The following KIAA2012 variants were observed in gnomAD, a reference collection of about 807,000 sequenced individuals.
The protein encoded by KIAA2012 is KIAA2012.
A neutral mutation model predicts 150.6 loss-of-function variants in KIAA2012; 125 were observed. That is an observed-to-expected ratio of 0.83 (90% CI 0.72 to 0.96). KIAA2012 has a LOEUF of 0.96. Among genes scored for constraint, KIAA2012 ranks in the 40% least tolerant of loss-of-function variants. The probability of loss-of-function intolerance (pLI) is 0.00; values close to 1 mark genes in which losing one functional copy is unlikely to be tolerated. For synonymous variants in KIAA2012, 462 were observed against 504.7 expected (o/e 0.92, Z 1.13); for missense variants, 1,219 against 1,354.9 (o/e 0.90, Z 1.57).
chr2:202,099,655 G>C lies in KIAA2012; in HGVS notation c.871G>C (p.Glu291Gln). 6.4e-7 allele frequency: 1 copy of C among 1,550,430 alleles called. No individual in the cohort carries two copies. The highest frequency in any genetic ancestry group is 8.7e-7 in the Non-Finnish European group (1 of 1,146,918). Residue 291 changes from glutamate to glutamine, a missense_variant, in exon 6 of 24, where the codon GAG becomes CAG. Glu to Gln is a conservative substitution (Grantham distance 29). Transcript: ENST00000498697. ...ENHLCLYASKESYNEKTQQTS... is the reference protein window; with the variant it reads ...ENHLCLYASKQSYNEKTQQTS... ...TCACCTTTGTTTATATGCTTCAAAG[G>C]AGAGCTACAATGAAAAGACACAGCA... is the stretch of plus-strand genomic sequence containing the variant.
At chr2:202,103,186 C>G (rs1170551737) in intron 8 of KIAA2012, 72 bp downstream of exon 8, 2 of 1,427,744 alleles carry the variant, frequency 1.4e-6, no homozygotes, top group Non-Finnish European at 1.9e-6. Flanking sequence ...CTACATGCTC[C>G]TACATCATGG....
intron 2 of KIAA2012, among the ~76,000 whole-genome samples, chr2:202,082,334 G>A (rs1454193584): frequency 6.6e-6 from 1 of 152,120 alleles, no homozygotes; most frequent in Non-Finnish European, 1.5e-5. Flanking sequence ...CAGCCTGAGT[G>A]ACAGACTGAG....
At chr2:202,079,907 T>C (rs1689409087) in intron 2 of KIAA2012, among the ~76,000 whole-genome samples, 1 of 152,230 alleles carries the variant, frequency 6.6e-6, no homozygotes, top group African/African-American at 2.4e-5. Flanking sequence ...GTATTTAAGA[T>C]AATGTGTTTT....
At chr2:202,088,225 G>A (rs1479102850) in intron 2 of KIAA2012, among the ~76,000 whole-genome samples, 1 of 152,106 alleles carries the variant, frequency 6.6e-6, no homozygotes, top group Non-Finnish European at 1.5e-5. Flanking sequence ...ATGACTATTT[G>A]GGAAAGGGGA....
intron 7 of KIAA2012, among the ~76,000 whole-genome samples, chr2:202,101,576 T>G (rs1690045490): frequency 6.6e-6 from 1 of 152,244 alleles, no homozygotes; most frequent in African/African-American, 2.4e-5. Flanking sequence ...ATTAAAACTC[T>G]GTGTAAGTTT....
intron 8 of KIAA2012, 72 bp downstream of exon 8, chr2:202,103,186 C>T (rs1170551737): frequency 1.4e-6 from 2 of 1,427,744 alleles, no homozygotes; most frequent in African/African-American, 1.4e-5. Flanking sequence ...CTACATGCTC[C>T]TACATCATGG....
chr2:202,190,170 C>G lies in KIAA2012; in HGVS notation c.2492-4C>G. On this transcript the variant is annotated splice_region_variant and splice_polypyrimidine_tract_variant and intron_variant, in intron 18 of 23. Coordinates refer to ENST00000498697, the MANE Select transcript of KIAA2012 (RefSeq NM_001277372.4). The stretch of plus-strand genomic sequence containing the variant: ...TATCTCTATCCCCAATTGTTCTCCC[C>G]CAGGAAAGTCAAAGGACTCAAAGGC... 1 of 1,512,866 alleles carries G rather than the reference C, an allele frequency of 6.6e-7. No individual in the cohort carries two copies. 93.7% of individuals were successfully genotyped at this position (1,512,866 alleles called of 1,614,324 possible).
chr2:202,099,382 A>C (rs1286593425), intron 5 of KIAA2012, among the ~76,000 whole-genome samples: 1 of 152,162 alleles, frequency 6.6e-6, no homozygotes, highest in African/African-American at 2.4e-5. Flanking sequence ...ACAAGATCGC[A>C]CTATATGTCA....
In KIAA2012 at chr2:202,099,759, TGGAGG is replaced by T. The variant is rs947962023; in HGVS notation, c.976_980del (p.Gly326ArgfsTer4). ...GTGACAAATCCCACATTACATTCTG[TGGAGG>T]CGCCTTCCCTAATAGGAAGGCAGAT... is the stretch of plus-strand genomic sequence containing the variant. On this transcript the variant is annotated frameshift_variant, in exon 6 of 24. Coordinates refer to ENST00000498697, the MANE Select transcript of KIAA2012 (RefSeq NM_001277372.4). LOFTEE classifies it high-confidence loss of function. The T allele has an allele frequency of 2.3e-5, 36 of 1,550,272 alleles. No individual in the cohort carries two copies. Among genetic ancestry groups the T allele is most frequent in the Non-Finnish European group, 3.1e-5 (36 of 1,146,890 alleles).
At chr2:202,192,175 G>A (rs1292403175) in intron 19 of KIAA2012, among the ~76,000 whole-genome samples, 1 of 152,126 alleles carries the variant, frequency 6.6e-6, no homozygotes, top group Non-Finnish European at 1.5e-5. Flanking sequence ...GCATTTCTTA[G>A]ATTTATTGTC....
At chr2:202,189,297 T>C (rs1215092920) in intron 18 of KIAA2012, among the ~76,000 whole-genome samples, 3 of 146,892 alleles carry the variant, frequency 2.0e-5, no homozygotes, top group African/African-American at 7.4e-5. Context: ...AATAGAACCT[T>C]TTTTTTTTTT....
chr2:202,194,424 A>G, intron 21 of KIAA2012, 62 bp downstream of exon 21: 2 of 1,515,652 alleles, frequency 1.3e-6, no homozygotes, highest in Non-Finnish European at 1.8e-6. Flanking sequence ...ACTTTTATCC[A>G]GCTGTGAGTG....
intron 15 of KIAA2012, among the ~76,000 whole-genome samples, chr2:202,181,212 T>C (rs1349951272): frequency 6.6e-6 from 1 of 152,144 alleles, no homozygotes; most frequent in Non-Finnish European, 1.5e-5. Flanking sequence ...TCAAGCGATC[T>C]GCCTGCCTCA....
chr2:202,126,100 G>A (rs539704739), intron 12 of KIAA2012, among the ~76,000 whole-genome samples: 6 of 151,828 alleles, frequency 4.0e-5, no homozygotes, highest in Non-Finnish European at 5.9e-5. Flanking sequence ...GATTACAGGC[G>A]CCTGCCACCA....
chr2:202,103,109 G>T lies in KIAA2012; in HGVS notation c.1319G>T (p.Arg440Ile). The change falls in exon 8 of 24, where the codon AGA (arginine) becomes ATA (isoleucine). Residue 440 changes from arginine (R) to isoleucine (I), a missense_variant. Coordinates refer to ENST00000498697, the MANE Select transcript of KIAA2012 (RefSeq NM_001277372.4). Reference protein sequence around the residue: ...TKQPPKEKAHRRGAPHPESEP... With the variant: ...TKQPPKEKAHIRGAPHPESEP... ...CAACCCCCAAAAGAGAAAGCCCACAGAAGAGGTAGGTCCCGGGTGCATGGG... is the reference window on the plus strand; with the variant it reads ...CAACCCCCAAAAGAGAAAGCCCACATAAGAGGTAGGTCCCGGGTGCATGGG... 1 of 1,550,466 alleles carries T rather than the reference G, an allele frequency of 6.4e-7. No homozygotes were observed. The highest frequency in any genetic ancestry group is 8.7e-7 in the Non-Finnish European group (1 of 1,146,996).
chr2:202,100,388 C>T lies in KIAA2012; in HGVS notation c.1094C>T (p.Pro365Leu), dbSNP rs1278732323. 3.9e-6 allele frequency: 6 copies of T among 1,550,588 alleles called. No homozygotes were observed. In the East Asian group the frequency reaches 1.5e-4, roughly 38 times the overall value. ...CTTCCTGCTGAAAGAAGCCTCTTCC[C>T]TCCTGTAGCATCTGCCACTGGCTCC... ...QVLPAERSLFPPVASATGSRI... is the reference protein window; with the variant it reads ...QVLPAERSLFLPVASATGSRI... The change falls in exon 7 of 24, where the codon CCT becomes CTT. Residue 365 changes from proline (P) to leucine (L), a missense_variant. Transcript: ENST00000498697.
At chr2:202,140,807 C>A (rs1223456800) in intron 13 of KIAA2012, among the ~76,000 whole-genome samples, 1 of 152,176 alleles carries the variant, frequency 6.6e-6, no homozygotes, top group Non-Finnish European at 1.5e-5. Flanking sequence ...CTTTCCCACC[C>A]TGAAGCAGAG....
chr2:202,156,692 T>G (rs372346112), intron 14 of KIAA2012, among the ~76,000 whole-genome samples: 6 of 152,192 alleles, frequency 3.9e-5, no homozygotes, highest in Admixed American at 1.3e-4. Context: ...GAGACCAGCC[T>G]GGCTAACACG....
At chr2:202,090,746 G>A (rs1197266975) in intron 2 of KIAA2012, 24 bp from the exon 3 acceptor site, 4 of 1,536,924 alleles carry the variant, frequency 2.6e-6, no homozygotes, top group Non-Finnish European at 3.5e-6. Context: ...CAGCTGTGCT[G>A]TTTCCTGACT....
Sources: allele counts gnomAD v4.1 joint callset (sites outside exome capture counted in the v4.1 genomes callset), GRCh38; gene constraint gnomAD v4.1.1; transcripts MANE v1.5; gene names NCBI Gene and HGNC (gene_info 2026-07-23, HGNC 2026-07-21).